CSMD2: variants seen among roughly 807,000 people sequenced by gnomAD.
CSMD2 encodes CUB and Sushi multiple domains 2.
A neutral mutation model predicts 398.5 loss-of-function variants in CSMD2; 130 were observed. The observed-to-expected ratio is 0.33, with a 90% CI of 0.28 to 0.38. The LOEUF (loss-of-function observed/expected upper bound fraction) is 0.38, where lower values mean the gene tolerates loss of function less well. Among genes scored for constraint, CSMD2 ranks in the 10% least tolerant of loss-of-function variants. The pLI is 1.00. For synonymous variants in CSMD2, 1,828 were observed against 1,908.5 expected (o/e 0.96, Z 1.10); for missense variants, 3,829 against 4,764.9 (o/e 0.80, Z 5.78).
At chr1:33,831,314 C>T (rs1303497144) in intron 6 of CSMD2, among the ~76,000 whole-genome samples, 4 of 152,190 alleles carry the variant, frequency 2.6e-5, no homozygotes, top group African/African-American at 7.2e-5. Flanking sequence ...GCGGATTTCT[C>T]GGCAGAAACT....
chr1:33,562,466 T>C (rs1358309993), intron 53 of CSMD2, among the ~76,000 whole-genome samples: 3 of 152,176 alleles, frequency 2.0e-5, no homozygotes, highest in East Asian at 3.9e-4. Flanking sequence ...GGACCAGAGA[T>C]ACTGTTGACT....
chr1:33,839,657 A>G (rs969960934), intron 6 of CSMD2: 2 of 152,326 alleles, frequency 1.3e-5, no homozygotes, highest in Admixed American at 6.5e-5. Flanking sequence ...AGCTGTGCTG[A>G]AGGTTGATGG....
chr1:34,144,346 G>A (rs566327484), intron 1 of CSMD2, among the ~76,000 whole-genome samples: 2 of 152,210 alleles, frequency 1.3e-5, no homozygotes, highest in Non-Finnish European at 2.9e-5. Context: ...AGAGGACCAA[G>A]TACCAGTGGC....
At chr1:33,916,984 C>T (rs1643755693) in intron 5 of CSMD2, among the ~76,000 whole-genome samples, 1 of 152,120 alleles carries the variant, frequency 6.6e-6, no homozygotes, top group Admixed American at 6.5e-5. Flanking sequence ...CACTGACTGC[C>T]ACGTCTCTGT....
chr1:33,570,393 C>T (rs766446532), intron 51 of CSMD2, among the ~76,000 whole-genome samples: 52 of 149,648 alleles, frequency 3.5e-4, no homozygotes, highest in Non-Finnish European at 6.5e-4. Flanking sequence ...AGGCTGGTCT[C>T]GAACTCCTGA....
chr1:34,104,742 A>T (rs1387421348), intron 1 of CSMD2, among the ~76,000 whole-genome samples: 1 of 152,198 alleles, frequency 6.6e-6, no homozygotes, highest in African/African-American at 2.4e-5. Context: ...TGGCAGGGGC[A>T]CCTTGTCCGC....
chr1:33,718,558 G>A (rs1327319399), intron 19 of CSMD2, among the ~76,000 whole-genome samples: 1 of 152,208 alleles, frequency 6.6e-6, no homozygotes, highest in Non-Finnish European at 1.5e-5. Flanking sequence ...TACTCCAAGT[G>A]TGATCCCACT....
In CSMD2 at chr1:33,611,126, G is replaced by A. The variant is rs536731720; in HGVS notation, c.6258C>T (p.Ser2086=). The change falls in exon 41 of 71, where the codon TCC becomes TCT. Residue 2086 remains serine (S), a synonymous_variant. Coordinates refer to ENST00000373381, the MANE Select transcript of CSMD2 (RefSeq NM_001281956.2). ...GRFSGSELPS[S]LLSTSHETTV... ...TGGTCTCGTGGGACGTGGAGAGGAG[G>A]GAGCTTGGAAGCTCGCTTCCACTGA... 1 of 1,614,054 alleles carries A rather than the reference G, an allele frequency of 6.2e-7. No individual in the cohort carries two copies. Among genetic ancestry groups the A allele is most frequent in the South Asian group, 1.1e-5 (1 of 91,024 alleles).
intron 2 of CSMD2, among the ~76,000 whole-genome samples, chr1:34,085,853 G>C (rs540587573): frequency 6.6e-6 from 1 of 152,112 alleles, no homozygotes; most frequent in Admixed American, 6.5e-5. Context: ...TTCCCCACTA[G>C]GACCACACAA....
At chr1:33,777,781 C>T (rs1569877754) in intron 12 of CSMD2, among the ~76,000 whole-genome samples, 1 of 152,208 alleles carries the variant, frequency 6.6e-6, no homozygotes. Flanking sequence ...TTTGCTTCCC[C>T]TTTCTCAGCT....
rs1447458594 is a variant in CSMD2 at position 33,646,583 on chromosome 1, A to C, written c.4774+65T>G. 2.6e-6 allele frequency: 4 copies of C among 1,554,644 alleles called. No individual in the cohort carries two copies. In the East Asian group the frequency reaches 9.0e-5, roughly 35 times the overall value. On this transcript the variant is annotated intron_variant, in intron 29 of 70. Coordinates refer to ENST00000373381, the MANE Select transcript of CSMD2 (RefSeq NM_001281956.2). ...CCCAGGGCTCTCCTCACTACGCTACACTACTTGCCCTCTGCCTTGTTAGCT... is the reference window on the plus strand; with the variant it reads ...CCCAGGGCTCTCCTCACTACGCTACCCTACTTGCCCTCTGCCTTGTTAGCT...
At chr1:33,810,560 T>C (rs777303213) in intron 10 of CSMD2, among the ~76,000 whole-genome samples, 183 bp downstream of exon 10, 2 of 152,042 alleles carry the variant, frequency 1.3e-5, no homozygotes, top group African/African-American at 2.4e-5. Context: ...TGGTGTTCTT[T>C]ATATTTTGCT....
intron 13 of CSMD2, among the ~76,000 whole-genome samples, chr1:33,754,473 C>G (rs1227772933): frequency 6.6e-6 from 1 of 152,280 alleles, no homozygotes; most frequent in East Asian, 1.9e-4. Flanking sequence ...GTACAGCCTG[C>G]AGAACTGTGA....
chr1:34,030,376 C>T (rs10914848), intron 3 of CSMD2, among the ~76,000 whole-genome samples: 16,345 of 152,176 alleles, frequency 0.11, 1,289 homozygotes, highest in East Asian at 0.33. Flanking sequence ...AGTTGTAGTG[C>T]ATGAAGACAG....
chr1:33,986,317 T>C (rs1646358437), intron 3 of CSMD2, among the ~76,000 whole-genome samples: 1 of 152,144 alleles, frequency 6.6e-6, no homozygotes. Flanking sequence ...AAGCTTGCCT[T>C]CTGCAGGAAA....
intron 6 of CSMD2, among the ~76,000 whole-genome samples, chr1:33,843,129 C>G (rs1661020116): frequency 6.6e-6 from 1 of 152,214 alleles, no homozygotes; most frequent in South Asian, 2.1e-4. Context: ...GTCTGTGCCT[C>G]TCTTTAACCT....
Position 33,550,333 on chromosome 1 carries a change from G to A in CSMD2, c.8761C>T (p.Pro2921Ser), listed in dbSNP as rs1481986399. ...ATCTGGGAGTGAGGCGGGGAGCCCG[G>A]ATGGCCACAGGACACCACTGTGGGG... ...PQCLLVSCGH[P>S]GSPPHSQMSG... The change falls in exon 56 of 71, where the codon CCG becomes TCG. Residue 2921 changes from proline (P) to serine (S), a missense_variant. Physicochemically the swap from Pro to Ser is moderately conservative, Grantham distance 74. Transcript: ENST00000373381. 3.1e-6 allele frequency: 5 copies of A among 1,614,018 alleles called. No individual in the cohort carries two copies. The highest frequency in any genetic ancestry group is 4.2e-6 in the Non-Finnish European group (5 of 1,179,902).
intron 5 of CSMD2, chr1:33,863,296 A>G (rs1558019845): frequency 1.3e-5 from 2 of 152,336 alleles, no homozygotes; most frequent in East Asian, 3.9e-4. Flanking sequence ...TTTGACCAAA[A>G]GCCAGAAGCC....
At chr1:33,963,297 T>G (rs1645433712) in intron 3 of CSMD2, among the ~76,000 whole-genome samples, 1 of 152,114 alleles carries the variant, frequency 6.6e-6, no homozygotes, top group Non-Finnish European at 1.5e-5. Context: ...AAAATACAGA[T>G]GTCTGGGTTC....
Sources: gnomAD v4.1 joint callset for allele counts (sites outside exome capture counted in the v4.1 genomes callset) on GRCh38, gnomAD v4.1.1 for gene constraint, MANE v1.5 for transcripts, NCBI Gene and HGNC (gene_info 2026-07-23, HGNC 2026-07-21) for gene names.